The following LAMA4 variants were observed in gnomAD, a reference collection of about 807,000 sequenced individuals.
The protein encoded by LAMA4 is laminin subunit alpha-4.
LAMA4 carries 127 observed loss-of-function variants against 207.1 expected under a neutral mutation model. The ratio of observed to expected loss-of-function variants is 0.61; its 90% CI spans 0.53 to 0.71. LAMA4 has a LOEUF of 0.71. Among genes scored for constraint, LAMA4 ranks in the 30% least tolerant of loss-of-function variants. The pLI is 0.00. For synonymous variants in LAMA4, 761 were observed against 816.0 expected (o/e 0.93, Z 1.15); for missense variants, 2,093 against 2,246.5 (o/e 0.93, Z 1.38).
chr6:112,146,015 C>T (rs1236043098), intron 18 of LAMA4, among the ~76,000 whole-genome samples: 1 of 152,108 alleles, frequency 6.6e-6, no homozygotes, highest in Non-Finnish European at 1.5e-5. Context: ...GTCAGATGGG[C>T]TTGATGGCTC....
intron 29 of LAMA4, 124 bp downstream of exon 29, chr6:112,130,844 C>A: frequency 1.0e-6 from 1 of 965,884 alleles, no homozygotes; most frequent in South Asian, 1.4e-5. Flanking sequence ...TAAGTTGTTC[C>A]TTCTAGCATT....
At chr6:112,150,232 C>G (rs1780305376) in intron 17 of LAMA4, among the ~76,000 whole-genome samples, 2 of 145,124 alleles carry the variant, frequency 1.4e-5, no homozygotes, top group Non-Finnish European at 3.0e-5. Flanking sequence ...CACACACACA[C>G]ACAGACACAC....
chr6:112,253,872 C>A (rs1787648184), intron 2 of LAMA4, 84 bp downstream of exon 2: 1 of 1,614,172 alleles, frequency 6.2e-7, no homozygotes, highest in Non-Finnish European at 8.5e-7. Flanking sequence ...AGGAAAGAGG[C>A]GGAGAGAGAG....
intron 6 of LAMA4, among the ~76,000 whole-genome samples, chr6:112,191,101 A>C (rs1449614574): frequency 2.6e-5 from 4 of 151,646 alleles, no homozygotes; most frequent in African/African-American, 7.3e-5. Context: ...TCCTGGGTTC[A>C]AGGGATGCTG....
intron 33 of LAMA4, 125 bp downstream of exon 33, chr6:112,120,155 TGAA>T: frequency 1.3e-6 from 1 of 755,394 alleles, no homozygotes; most frequent in Non-Finnish European, 2.1e-6. Flanking sequence ...TTTTTGAAAT[TGAA>T]TTCTGAGTGT....
intron 17 of LAMA4, 83 bp downstream of exon 17, chr6:112,150,428 A>G (rs201165345): frequency 1.7e-4 from 149 of 878,106 alleles, no homozygotes; most frequent in Non-Finnish European, 7.8e-5. Flanking sequence ...TGACAAACAA[A>G]GAATTACCTA....
chr6:112,199,994 A>T, intron 5 of LAMA4: 1 of 451,680 alleles, frequency 2.2e-6, no homozygotes, highest in South Asian at 1.7e-5. Flanking sequence ...TAGCTGCCTA[A>T]ACACAATGGT....
At chr6:112,152,657 C>G (rs1430791574) in intron 16 of LAMA4, among the ~76,000 whole-genome samples, 1 of 151,988 alleles carries the variant, frequency 6.6e-6, no homozygotes, top group Non-Finnish European at 1.5e-5. Flanking sequence ...TGACGGCACC[C>G]CTTTGCTGTT....
At position 112,202,116 on chromosome 6, in the gene LAMA4, C is replaced by T. The variant is rs1415394677; in HGVS notation, c.423-428G>A. The stretch of plus-strand genomic sequence containing the variant: ...GAACCAGTTCTAAACTATATAATCT[C>T]CACAGAATTATAATTTCTTTCATGT... On this transcript the variant is annotated intron_variant, in intron 4 of 38. Transcript: ENST00000230538. Among the ~76,000 whole-genome samples, 272 of 152,098 alleles carry T rather than the reference C, an allele frequency of 1.8e-3. 2 individuals carry two copies. Among genetic ancestry groups the T allele is most frequent in the Non-Finnish European group, 1.0e-4 (7 of 68,020 alleles).
chr6:112,167,042 T>A (rs971405), intron 12 of LAMA4, among the ~76,000 whole-genome samples: 70,431 of 152,048 alleles, frequency 0.46, 17,353 homozygotes, highest in Middle Eastern at 0.71. Context: ...ATCTGATAAG[T>A]TTTTAATCAT....
At chr6:112,238,594 C>A (rs1786114461) in intron 2 of LAMA4, among the ~76,000 whole-genome samples, 1 of 152,072 alleles carries the variant, frequency 6.6e-6, no homozygotes, top group South Asian at 2.1e-4. Flanking sequence ...GTAGTCCCAG[C>A]TACTCCAGAG....
intron 3 of LAMA4, among the ~76,000 whole-genome samples, chr6:112,214,588 A>G (rs1784524705): frequency 2.0e-5 from 3 of 152,196 alleles, no homozygotes; most frequent in Admixed American, 6.5e-5. Flanking sequence ...AATGAGGGAA[A>G]AAAGATATTT....
intron 2 of LAMA4, among the ~76,000 whole-genome samples, chr6:112,246,737 G>A (rs1312587620): frequency 1.3e-5 from 2 of 152,140 alleles, no homozygotes; most frequent in African/African-American, 4.8e-5. Flanking sequence ...GGCCAGGCTG[G>A]TCTTGAACTC....
At chr6:112,235,752 G>A (rs73764722) in intron 2 of LAMA4, among the ~76,000 whole-genome samples, 4,264 of 152,090 alleles carry the variant, frequency 0.028, 191 homozygotes, top group African/African-American at 0.096. Context: ...AACTCTAGCC[G>A]GAAATTCTGA....
At chr6:112,114,867 T>G (rs113041629) in intron 36 of LAMA4, 111 bp from the exon 37 acceptor site, 1 of 790,800 alleles carries the variant, frequency 1.3e-6, no homozygotes, top group African/African-American at 1.9e-5. Flanking sequence ...TATTCACACA[T>G]GATTAGCTTT....
chr6:112,142,186 G>C lies in LAMA4; in HGVS notation c.2600C>G (p.Pro867Arg). ...AFTSLSLYMK[P>R]PVKRPELTET... is the part of the protein sequence containing the mutation. ...GGTCAGTTCCGGCCGCTTCACAGGG[G>C]GTTTCATGTACAGGCTCAGAGACGT... is the stretch of plus-strand genomic sequence containing the variant. Residue 867 changes from proline (P) to arginine (R), a missense_variant, in exon 20 of 39, where the codon CCC (proline) becomes CGC (arginine). This residue lies in a region of LAMA4 where 1,704 missense variants were observed against 1,788.4 expected (regional missense o/e 0.95). Coordinates refer to ENST00000230538, the MANE Select transcript of LAMA4 (RefSeq NM_001105206.3). The C allele has an allele frequency of 6.2e-7, 1 of 1,614,020 alleles. No homozygotes were observed. Among genetic ancestry groups the C allele is most frequent in the Admixed American group, 1.7e-5 (1 of 60,002 alleles).
chr6:112,201,822 T>C, intron 4 of LAMA4, 134 bp from the exon 5 acceptor site: 1 of 807,022 alleles, frequency 1.2e-6, no homozygotes. Context: ...TATTTAAACT[T>C]GTACACATTT....
At chr6:112,238,823 C>T (rs1227354087) in intron 2 of LAMA4, among the ~76,000 whole-genome samples, 3 of 152,156 alleles carry the variant, frequency 2.0e-5, no homozygotes, top group Non-Finnish European at 4.4e-5. Context: ...GGCAATTACA[C>T]GCACTATCTT....
At position 112,190,938 on chromosome 6, in the gene LAMA4, TC is replaced by T. The variant is rs1562714628; in HGVS notation, c.718+697del. Among the ~76,000 whole-genome samples, 268 of 59,942 alleles carry T rather than the reference TC, an allele frequency of 4.5e-3. 4 individuals are homozygous for T. Among genetic ancestry groups the T allele is most frequent in the Non-Finnish European group, 6.2e-3 (186 of 30,114 alleles). The allele number at this position is 59,942 out of a possible 152,430, so 39.3% of individuals were successfully genotyped here. On this transcript the variant is annotated intron_variant, in intron 6 of 38. Transcript: ENST00000230538. ...TTCTTTCTTTCTTTCTTTCTTTCTTTCTTTCTTTCCTTTCTTTCTTTCTTTC... is the reference window on the plus strand; with the variant it reads ...TTCTTTCTTTCTTTCTTTCTTTCTTTTTTCTTTCCTTTCTTTCTTTCTTTC...
Sources: gnomAD v4.1 joint callset for allele counts (sites outside exome capture counted in the v4.1 genomes callset) on GRCh38, gnomAD v4.1.1 for gene constraint, gnomAD v4.1.1 regional missense constraint, MANE v1.5 for transcripts, NCBI Gene and HGNC (gene_info 2026-07-23, HGNC 2026-07-21) for gene names.